The following CFAP97D2 variants were observed in gnomAD, a reference collection of about 807,000 sequenced individuals.
The protein encoded by CFAP97D2 is CFAP97 domain containing 2.
Position 114,210,843 on chromosome 13 carries a change from A to C in CFAP97D2, c.291-1069A>C, listed in dbSNP as rs573154057. Among the ~76,000 whole-genome samples the C allele has an allele frequency of 3.5e-5, 5 of 141,224 alleles. No homozygotes were observed. In the East Asian group the frequency reaches 1.1e-3, roughly 32 times the overall value. 92.6% of individuals were successfully genotyped at this position (141,224 alleles called of 152,430 possible). On this transcript the variant is annotated intron_variant, in intron 3 of 4. Coordinates refer to ENST00000646158, the Ensembl canonical transcript of CFAP97D2. ...ACTCCCAGGGTTAAATGAGAGAAGCACATTTCATTGATACACACACACACA... is the reference window on the plus strand; with the variant it reads ...ACTCCCAGGGTTAAATGAGAGAAGCCCATTTCATTGATACACACACACACA...
rs1047026068 is a variant in CFAP97D2 at position 114,203,634 on chromosome 13, A to C, written c.290+3191A>C. The stretch of plus-strand genomic sequence containing the variant: ...AAAAAAGAAAAGAAAAAGAAAACTC[A>C]GCAAAGTGAGATGGAGTCCTGCTAA... On this transcript the variant is annotated intron_variant, in intron 3 of 4. Transcript: ENST00000646158. The surrounding 1 kb of genome is among the most constrained non-coding windows in gnomAD (Gnocchi z 4.3). 1.3e-5 allele frequency among the ~76,000 whole-genome samples: 2 copies of C among 152,206 alleles called. No individual in the cohort carries two copies. Among genetic ancestry groups the C allele is most frequent in the Non-Finnish European group, 2.9e-5 (2 of 68,030 alleles).
intron 1 of CFAP97D2, among the ~76,000 whole-genome samples, chr13:114,182,146 A>G (rs1050818297): frequency 5.5e-5 from 8 of 145,116 alleles, no homozygotes; most frequent in Non-Finnish European, 1.1e-4. Flanking sequence ...GAGCAGGGTG[A>G]TAATAAGGAG....
At chr13:114,210,026 A>T (rs1032980570) in intron 3 of CFAP97D2, among the ~76,000 whole-genome samples, 2 of 152,174 alleles carry the variant, frequency 1.3e-5, no homozygotes, top group African/African-American at 4.8e-5. Context: ...ACCAAGAAGA[A>T]ATTTAACTAT....
At chr13:114,221,414 T>A (rs896198935) in intron 4 of CFAP97D2, among the ~76,000 whole-genome samples, 1 of 152,228 alleles carries the variant, frequency 6.6e-6, no homozygotes, top group African/African-American at 2.4e-5. Flanking sequence ...GAAAGATGTT[T>A]AACAACAAAA....
At chr13:114,210,960 T>C (rs966442799) in intron 3 of CFAP97D2, among the ~76,000 whole-genome samples, 1 of 151,966 alleles carries the variant, frequency 6.6e-6, no homozygotes, top group Non-Finnish European at 1.5e-5. Context: ...AAACAACAGA[T>C]GCAATCTGTC....
At chr13:114,196,322 C>G (rs967757314) in intron 1 of CFAP97D2, 74 bp from the exon 2 acceptor site, 5 of 398,916 alleles carry the variant, frequency 1.3e-5, no homozygotes, top group African/African-American at 1.0e-4. Context: ...CACGAAAGAC[C>G]CCAGAGCAGC....
chr13:114,219,376 T>A (rs1228226242), intron 4 of CFAP97D2, among the ~76,000 whole-genome samples: 1 of 152,214 alleles, frequency 6.6e-6, no homozygotes, highest in Non-Finnish European at 1.5e-5. Flanking sequence ...TTCCTCCTCT[T>A]ATATTAATAC....
At position 114,211,205 on chromosome 13, in the gene CFAP97D2, G is replaced by A. The variant is rs1019393866; in HGVS notation, c.291-707G>A. ...TCAAACCCCTACTCTAGGCGCTTCCGCAGCCCCCCATGGCTCCCTCTCCAT... is the reference window on the plus strand; with the variant it reads ...TCAAACCCCTACTCTAGGCGCTTCCACAGCCCCCCATGGCTCCCTCTCCAT... On this transcript the variant is annotated intron_variant, in intron 3 of 4. Coordinates refer to ENST00000646158, the Ensembl canonical transcript of CFAP97D2. The surrounding 1 kb of genome is among the most constrained non-coding windows in gnomAD (Gnocchi z 4.2). Among the ~76,000 whole-genome samples the A allele has an allele frequency of 6.6e-6, 1 of 152,062 alleles. No homozygotes were observed. Among genetic ancestry groups the A allele is most frequent in the African/African-American group, 2.4e-5 (1 of 41,398 alleles).
intron 3 of CFAP97D2, among the ~76,000 whole-genome samples, chr13:114,210,516 T>A (rs755560106): frequency 6.6e-6 from 1 of 152,202 alleles, no homozygotes; most frequent in South Asian, 2.1e-4. Flanking sequence ...AATTCACTCC[T>A]GACTTTCTGC....
Position 114,221,225 on chromosome 13 carries a change from C to T in CFAP97D2, c.481-1273C>T, listed in dbSNP as rs570745466. 7.5e-4 allele frequency among the ~76,000 whole-genome samples: 114 copies of T among 152,132 alleles called. 1 individual carries two copies. Among genetic ancestry groups the T allele is most frequent in the Non-Finnish European group, 1.4e-3 (93 of 68,026 alleles). ...TCGCGCCACTGCACTCCAGCTTAGG[C>T]GACAGAGCGAGACTACGTCTCAAAA... is the stretch of plus-strand genomic sequence containing the variant. On this transcript the variant is annotated intron_variant, in intron 4 of 4. Transcript: ENST00000646158.
In CFAP97D2 at chr13:114,194,497, C is replaced by T. The variant is rs559045269; in HGVS notation, c.91-1899C>T. Among the ~76,000 whole-genome samples, 4 of 152,172 alleles carry T rather than the reference C, an allele frequency of 2.6e-5. No homozygotes were observed. The South Asian group carries it at 8.3e-4, about 32-fold the overall frequency. On this transcript the variant is annotated intron_variant, in intron 1 of 4. Transcript: ENST00000646158. Reference sequence around the variant, plus strand: ...ACCAGTGGCAATATAGGCCTTTTTACGTGAGTCCTGAGTCAAACATGGAAG... The same window carrying T: ...ACCAGTGGCAATATAGGCCTTTTTATGTGAGTCCTGAGTCAAACATGGAAG...
intron 4 of CFAP97D2, among the ~76,000 whole-genome samples, chr13:114,216,383 C>T (rs1181870836): frequency 6.6e-6 from 1 of 152,018 alleles, no homozygotes; most frequent in East Asian, 1.9e-4. Context: ...GTTGGTGTGC[C>T]TCACCCACTA....
intron 1 of CFAP97D2, among the ~76,000 whole-genome samples, chr13:114,195,470 C>T (rs149797933): frequency 4.3e-4 from 66 of 152,260 alleles, no homozygotes; most frequent in Middle Eastern, 6.8e-3. Context: ...GTTTCTTCCT[C>T]CACTGGGGAG....
chr13:114,220,229 C>G (rs2081015237), intron 4 of CFAP97D2, among the ~76,000 whole-genome samples: 1 of 152,066 alleles, frequency 6.6e-6, no homozygotes, highest in Admixed American at 6.5e-5. Flanking sequence ...GCTGCCAGAC[C>G]TTTGGGATCC....
intron 1 of CFAP97D2, among the ~76,000 whole-genome samples, chr13:114,184,289 G>GAAGAA (rs1279062486): frequency 3.9e-5 from 6 of 152,212 alleles, no homozygotes; most frequent in African/African-American, 1.4e-4. Flanking sequence ...AATACCAGGA[G>GAAGAA]AAGAAAGGGA....
chr13:114,211,998 A>T lies in CFAP97D2; in HGVS notation c.377A>T (p.His126Leu). ...TGGAAGGAATCACACACTCAGAACC[A>T]TGGTATGGAGCTCAAAGGTGGTGTG... is the stretch of plus-strand genomic sequence containing the variant. Residue 126 changes from histidine to leucine, a missense_variant, in exon 4 of 5, where the codon CAT (histidine) becomes CTT (leucine). By Grantham distance (99) the His-to-Leu change is moderately conservative. Coordinates refer to ENST00000646158, the Ensembl canonical transcript of CFAP97D2. The surrounding 1 kb of genome is among the most constrained non-coding windows in gnomAD (Gnocchi z 4.2). The T allele has an allele frequency of 2.5e-6, 1 of 398,780 alleles. No homozygotes were observed. The allele number at this position is 398,780 out of a possible 1,614,324, so 24.7% of individuals were successfully genotyped here. A position where few individuals can be genotyped will look rare whatever the true frequency, so the allele number is the denominator to read the frequency against.
At chr13:114,191,094 A>G (rs1037310771) in intron 1 of CFAP97D2, among the ~76,000 whole-genome samples, 3 of 152,236 alleles carry the variant, frequency 2.0e-5, no homozygotes, top group Admixed American at 2.0e-4. Flanking sequence ...GATCATAGAC[A>G]TAAATTTAAA....
At position 114,185,448 on chromosome 13, in the gene CFAP97D2, A is replaced by T. The variant is rs2080851008; in HGVS notation, c.90+6028A>T. ...CTGCACACTCCACGGAGCCTGTGGG[A>T]GCCAGGAATGAGTGGGAGCCCCACC... On this transcript the variant is annotated intron_variant, in intron 1 of 4. Coordinates refer to ENST00000646158, the Ensembl canonical transcript of CFAP97D2. The surrounding 1 kb of genome is among the most constrained non-coding windows in gnomAD (Gnocchi z 5.2). Among the ~76,000 whole-genome samples, 2 of 152,100 alleles carry T rather than the reference A, an allele frequency of 1.3e-5. No homozygotes were observed. The highest frequency in any genetic ancestry group is 2.9e-5 in the Non-Finnish European group (2 of 68,022).
At chr13:114,188,620 A>G (rs1566611725) in intron 1 of CFAP97D2, among the ~76,000 whole-genome samples, 2 of 151,864 alleles carry the variant, frequency 1.3e-5, no homozygotes, top group Non-Finnish European at 2.9e-5. Context: ...CACTAAACAT[A>G]CAAAAAATTA....
Sources: allele counts gnomAD v4.1 joint callset (sites outside exome capture counted in the v4.1 genomes callset), GRCh38; gene constraint gnomAD v4.1.1; non-coding constraint Gnocchi (gnomAD v3.1); transcripts MANE v1.5; gene names NCBI Gene and HGNC (gene_info 2026-07-23, HGNC 2026-07-21).